Variants in ATXN7 observed in about 807,000 individuals in gnomAD.
ATXN7 encodes ataxin 7.
In ATXN7, 12 loss-of-function variants were observed where a neutral mutation model predicts 70.5. The ratio of observed to expected loss-of-function variants is 0.17; its 90% CI spans 0.11 to 0.28. The LOEUF (loss-of-function observed/expected upper bound fraction) is 0.28. ATXN7 is among the 10% of genes least tolerant of loss of function. ATXN7 has a pLI of 1.00. For missense variants in ATXN7, 1,256 were observed against 1,131.7 expected, an observed-to-expected ratio of 1.11 and a Z score of -1.58; for synonymous variants, 498 against 448.7, an observed-to-expected ratio of 1.11 and a Z score of -1.39.
intron 2 of ATXN7, among the ~76,000 whole-genome samples, chr3:63,907,854 G>C (rs1440941515): frequency 6.6e-6 from 1 of 152,042 alleles, no homozygotes; most frequent in Non-Finnish European, 1.5e-5. Context: ...TTACAAGCCA[G>C]TTTTAAATCC....
intron 4 of ATXN7, among the ~76,000 whole-genome samples, chr3:63,918,781 C>G (rs1191808745): frequency 6.6e-6 from 1 of 152,162 alleles, no homozygotes; most frequent in African/African-American, 2.4e-5. Flanking sequence ...CAGATATAAA[C>G]CAAGCCTCAG....
chr3:63,957,015 A>G (rs771433128), intron 5 of ATXN7, among the ~76,000 whole-genome samples: 1 of 152,178 alleles, frequency 6.6e-6, no homozygotes, highest in Non-Finnish European at 1.5e-5. Flanking sequence ...ACTGTGTAGT[A>G]CTACTTACAT....
Position 63,863,879 on chromosome 3 carries a change from G to A in ATXN7, c.-390G>A. ...AGGTCAAACTCCCACAATGCAGCCG[G>A]GTAAACAGCCATGGAGGAGGAGGCG... is the stretch of plus-strand genomic sequence containing the variant. On this transcript the variant is annotated 5_prime_UTR_variant, in exon 1 of 13. Transcript: ENST00000674280. The A allele has an allele frequency of 3.4e-6, 4 of 1,180,548 alleles. No homozygotes were observed. Among genetic ancestry groups the A allele is most frequent in the Non-Finnish European group, 4.2e-6 (4 of 961,200 alleles). 73.1% of individuals were successfully genotyped at this position (1,180,548 alleles called of 1,614,324 possible).
At chr3:63,968,738 G>C (rs2075266351) in intron 5 of ATXN7, among the ~76,000 whole-genome samples, 1 of 152,162 alleles carries the variant, frequency 6.6e-6, no homozygotes, top group Non-Finnish European at 1.5e-5. Context: ...ATTCTTGGGT[G>C]GATGTGTGGA....
chr3:63,900,221 G>T (rs915400838), intron 2 of ATXN7, among the ~76,000 whole-genome samples: 5 of 152,232 alleles, frequency 3.3e-5, no homozygotes, highest in African/African-American at 1.2e-4. Context: ...GACGAAAGGA[G>T]TTTCAGCCTC....
At chr3:63,987,802 G>A (rs764979433) in intron 8 of ATXN7, among the ~76,000 whole-genome samples, 9 of 151,840 alleles carry the variant, frequency 5.9e-5, no homozygotes, top group East Asian at 1.9e-4. Flanking sequence ...AGGTGTCACC[G>A]CTCACATATC....
rs767727237 is a variant in ATXN7 at position 63,982,455 on chromosome 3, A to G, written c.1012+10A>G. ...AATAAGAGATTATCAGGTAACTTCA[A>G]ATTTTCTTTCTTCATAATGCTTCTC... On this transcript the variant is annotated intron_variant, in intron 7 of 12. Transcript: ENST00000674280. The G allele has an allele frequency of 3.8e-6, 6 of 1,582,682 alleles. No homozygotes were observed. Among genetic ancestry groups the G allele is most frequent in the Non-Finnish European group, 5.2e-6 (6 of 1,157,342 alleles).
chr3:63,910,206 C>G (rs964708227), intron 2 of ATXN7, among the ~76,000 whole-genome samples: 1 of 152,146 alleles, frequency 6.6e-6, no homozygotes, highest in Admixed American at 6.5e-5. Flanking sequence ...AGTTTCACAT[C>G]CAAAAGAGGA....
intron 5 of ATXN7, among the ~76,000 whole-genome samples, chr3:63,959,690 G>A (rs1208023646): frequency 4.6e-5 from 7 of 151,918 alleles, no homozygotes. Context: ...TTTTTCCTTA[G>A]TTGTATTATA....
chr3:64,002,852 G>A lies in ATXN7; in HGVS notation c.*3385G>A, dbSNP rs879897270. 3.3e-5 allele frequency: 5 copies of A among 152,014 alleles called. No homozygotes were observed. The highest frequency in any genetic ancestry group is 4.8e-5 in the African/African-American group (2 of 41,372). The allele number at this position is 152,014 out of a possible 1,614,324, so 9.4% of individuals were successfully genotyped here. A position where few individuals can be genotyped will look rare whatever the true frequency, so the allele number is the denominator to read the frequency against. ...AGCCAGCAACTTACACGATGTGTCC[G>A]TTTTGTTATTCACTCATGAAATACA... is the stretch of plus-strand genomic sequence containing the variant. On this transcript the variant is annotated 3_prime_UTR_variant, in exon 13 of 13. Transcript: ENST00000674280.
chr3:63,922,782 T>A (rs1451935011), intron 4 of ATXN7, among the ~76,000 whole-genome samples: 2 of 152,180 alleles, frequency 1.3e-5, no homozygotes, highest in Non-Finnish European at 2.9e-5. Context: ...ACCTTGTTCT[T>A]TTTGGAAACT....
At chr3:63,993,443 C>G (rs1227387873) in intron 11 of ATXN7, among the ~76,000 whole-genome samples, 1 of 149,876 alleles carries the variant, frequency 6.7e-6, no homozygotes, top group African/African-American at 2.5e-5. Context: ...CAGAGCGAGA[C>G]TCCGTCTCAA....
chr3:63,952,184 G>T (rs771718961), intron 4 of ATXN7, among the ~76,000 whole-genome samples, 195 bp from the exon 5 acceptor site: 1 of 152,140 alleles, frequency 6.6e-6, no homozygotes, highest in Non-Finnish European at 1.5e-5. Flanking sequence ...TATTTTTGGT[G>T]CACTTTAACC....
rs191490946 is a variant in ATXN7, at chr3:63,914,388, C to G, written c.394+1163C>G. Among the ~76,000 whole-genome samples, 425 of 152,222 alleles carry G rather than the reference C, an allele frequency of 2.8e-3. 9 individuals are homozygous for G. Among genetic ancestry groups the G allele is most frequent in the East Asian group, 5.8e-4 (3 of 5,186 alleles). On this transcript the variant is annotated intron_variant, in intron 4 of 12. Transcript: ENST00000674280. ...GCCCGATGAGAGCTTCCAATTGGAA[C>G]AGATTATAGAACAAATTAGTTGATT...
chr3:63,995,801 C>T lies in ATXN7; in HGVS notation c.1979C>T (p.Ser660Phe), dbSNP rs1229668275. 3.1e-6 allele frequency: 5 copies of T among 1,614,114 alleles called. No individual in the cohort carries two copies. Among genetic ancestry groups the T allele is most frequent in the African/African-American group, 2.7e-5 (2 of 74,934 alleles). ...SSSPSTPSGL[S>F]SVPSSPMSRK... ...TCCCCTTCCACGCCCTCTGGCCTTT[C>T]CTCGGTTCCTTCCTCCCCCATGTCC... Residue 660 changes from serine (S) to phenylalanine (F), a missense_variant, in exon 12 of 13, where the codon TCC becomes TTC. By Grantham distance (155) the Ser-to-Phe change is radical. Transcript: ENST00000674280.
At chr3:63,885,487 T>G (rs1703059926) in intron 1 of ATXN7, among the ~76,000 whole-genome samples, 1 of 152,138 alleles carries the variant, frequency 6.6e-6, no homozygotes, top group Non-Finnish European at 1.5e-5. Context: ...TGTACATTGG[T>G]AGTGGGGATG....
At chr3:63,872,324 T>G (rs1406349897) in intron 1 of ATXN7, among the ~76,000 whole-genome samples, 1 of 152,240 alleles carries the variant, frequency 6.6e-6, no homozygotes, top group Non-Finnish European at 1.5e-5. Flanking sequence ...ACCATTTTAT[T>G]TGCTCATAAT....
At chr3:63,920,190 A>T (rs572351767) in intron 4 of ATXN7, among the ~76,000 whole-genome samples, 2 of 152,172 alleles carry the variant, frequency 1.3e-5, no homozygotes, top group Non-Finnish European at 2.9e-5. Flanking sequence ...TTCGCAATTC[A>T]TGGAGACCAT....
In ATXN7 at chr3:64,001,841, C is replaced by T. The variant is rs945954618; in HGVS notation, c.*2374C>T. 1.2e-4 allele frequency: 19 copies of T among 152,006 alleles called. No homozygotes were observed. The highest frequency in any genetic ancestry group is 4.1e-4 in the African/African-American group (17 of 41,390). 9.4% of individuals were successfully genotyped at this position (152,006 alleles called of 1,614,324 possible). On this transcript the variant is annotated 3_prime_UTR_variant, in exon 13 of 13. Transcript: ENST00000674280. ...TGAATAATTAAGACCATTTAAAACA[C>T]GGGAGTACAAGTATTTTTTTGAATT...
Sources: allele counts gnomAD v4.1 joint callset (sites outside exome capture counted in the v4.1 genomes callset), GRCh38; gene constraint gnomAD v4.1.1; transcripts MANE v1.5; gene names NCBI Gene and HGNC (gene_info 2026-07-23, HGNC 2026-07-21).